The following BAIAP2L1 variants were observed in gnomAD, a reference collection of about 807,000 sequenced individuals.
BAIAP2L1 encodes BAR/IMD domain containing adaptor protein 2 like 1.
BAIAP2L1 carries 35 observed loss-of-function variants against 66.3 expected under a neutral mutation model. The observed-to-expected ratio is 0.53, with a 90% confidence interval of 0.40 to 0.70. The LOEUF is 0.70. Ranked by LOEUF, BAIAP2L1 falls within the 30% of genes least tolerant of loss-of-function variation. The pLI is 0.00. For missense variants in BAIAP2L1, 622 were observed against 656.9 expected, an observed-to-expected ratio of 0.95 and a Z score of 0.58; for synonymous variants, 269 against 248.7, an observed-to-expected ratio of 1.08 and a Z score of -0.77.
intron 6 of BAIAP2L1, among the ~76,000 whole-genome samples, chr7:98,315,924 C>T (rs9648908): frequency 0.4 from 61,242 of 151,952 alleles, 13,313 homozygotes; most frequent in Middle Eastern, 0.54. Context: ...GGCTTTGGAA[C>T]CAGAAAGTTC....
intron 1 of BAIAP2L1, among the ~76,000 whole-genome samples, chr7:98,376,587 G>A (rs1324862182): frequency 8.0e-5 from 12 of 150,608 alleles, no homozygotes; most frequent in African/African-American, 2.2e-4. Flanking sequence ...TTGGGAGGCC[G>A]AGGCAGGCAG....
rs1342347227 is a variant in BAIAP2L1, at chr7:98,317,343, C to T, written c.362G>A (p.Arg121Lys). Residue 121 changes from arginine (R) to lysine (K), a missense_variant, in exon 6 of 14, where the codon AGA (arginine) becomes AAA (lysine). Coordinates refer to ENST00000005260, the MANE Select transcript of BAIAP2L1 (RefSeq NM_018842.5). ...DVKYMNATLK[R>K]YQTEHKNKLE... ...TTTATTCTTGTGTTCTGTTTGGTAT[C>T]TTTTTAGAGTTGCCTGTAAGTTAAA... 2.5e-6 allele frequency: 4 copies of T among 1,613,770 alleles called. No individual in the cohort carries two copies. The highest frequency in any genetic ancestry group is 1.1e-5 in the South Asian group (1 of 91,070).
chr7:98,338,768 C>T (rs906858042), intron 3 of BAIAP2L1, among the ~76,000 whole-genome samples: 1 of 152,110 alleles, frequency 6.6e-6, no homozygotes, highest in Non-Finnish European at 1.5e-5. Flanking sequence ...CTGCTCTGAA[C>T]ATTTGTGGTC....
intron 9 of BAIAP2L1, chr7:98,308,466 AT>A (rs1800748407): frequency 2.7e-6 from 1 of 366,200 alleles, no homozygotes; most frequent in Non-Finnish European, 5.4e-6. Flanking sequence ...CACAGCTGCC[AT>A]CCCGCCAGGC....
At chr7:98,360,841 G>C (rs544383178) in intron 2 of BAIAP2L1, among the ~76,000 whole-genome samples, 1 of 152,160 alleles carries the variant, frequency 6.6e-6, no homozygotes, top group Non-Finnish European at 1.5e-5. Flanking sequence ...CAAAATCCCA[G>C]ACCTGCTGCA....
At position 98,306,521 on chromosome 7, in the gene BAIAP2L1, C is replaced by T. The variant is rs766297356; in HGVS notation, c.1164-5G>A. ...GACGACGGGAACCAACCCCTCCTAC[C>T]GGCAAAGAGGGAGAAAAGACCCTAT... On this transcript the variant is annotated splice_region_variant and splice_polypyrimidine_tract_variant and intron_variant, in intron 10 of 13. Coordinates refer to ENST00000005260, the MANE Select transcript of BAIAP2L1 (RefSeq NM_018842.5). The T allele has an allele frequency of 1.1e-5, 17 of 1,613,962 alleles. No homozygotes were observed. The highest frequency in any genetic ancestry group is 4.0e-5 in the African/African-American group (3 of 74,872).
chr7:98,368,882 T>C (rs1203196690), intron 1 of BAIAP2L1, among the ~76,000 whole-genome samples: 1 of 151,924 alleles, frequency 6.6e-6, no homozygotes, highest in Non-Finnish European at 1.5e-5. Context: ...GTTGAAGACC[T>C]GGCTTGTTTC....
At chr7:98,324,880 T>C (rs1458418241) in intron 3 of BAIAP2L1, among the ~76,000 whole-genome samples, 1 of 152,242 alleles carries the variant, frequency 6.6e-6, no homozygotes, top group African/African-American at 2.4e-5. Context: ...CTGAACTGCA[T>C]AGGACATGTA....
chr7:98,304,339 A>C lies in BAIAP2L1; in HGVS notation c.1279T>G (p.Ser427Ala). 1 of 1,613,710 alleles carries C rather than the reference A, an allele frequency of 6.2e-7. No homozygotes were observed. Among genetic ancestry groups the C allele is most frequent in the Non-Finnish European group, 8.5e-7 (1 of 1,179,820 alleles). ...GGGATGACAACACTGCTATTCTCAG[A>C]CAAGTTCACGGTGCTGATGCTTCTC... ...PVRSISTVNL[S>A]ENSSVVIPPP... Residue 427 changes from serine (S) to alanine (A), a missense_variant, in exon 12 of 14, where the codon TCT becomes GCT. Physicochemically the swap from Ser to Ala is moderately conservative, Grantham distance 99. Coordinates refer to ENST00000005260, the MANE Select transcript of BAIAP2L1 (RefSeq NM_018842.5).
intron 2 of BAIAP2L1, chr7:98,355,453 T>TGC (rs1017213954): frequency 1.6e-4 from 47 of 300,122 alleles, no homozygotes; most frequent in African/African-American, 9.4e-4. Flanking sequence ...ACTAGGGCTT[T>TGC]GCCTGGGCAC....
chr7:98,392,918 G>C (rs180749253), intron 1 of BAIAP2L1, among the ~76,000 whole-genome samples: 1 of 150,258 alleles, frequency 6.7e-6, no homozygotes. Flanking sequence ...TCAGCATCCC[G>C]AGTAGCTGGA....
At chr7:98,395,149 A>C (rs1803169885) in intron 1 of BAIAP2L1, among the ~76,000 whole-genome samples, 1 of 150,482 alleles carries the variant, frequency 6.6e-6, no homozygotes, top group South Asian at 2.1e-4. Flanking sequence ...AAAGAAAGAA[A>C]ATAATCCCAG....
In BAIAP2L1 at chr7:98,400,952, C is replaced by T; in HGVS notation, c.-100G>A. ...AGGGCCGGGGCGCGACTAAGGGGCT[C>T]TGGAGGGTCGGCCGCCGCCGCAGCC... On this transcript the variant is annotated 5_prime_UTR_variant, in exon 1 of 14. Coordinates refer to ENST00000005260, the MANE Select transcript of BAIAP2L1 (RefSeq NM_018842.5). 8.8e-7 allele frequency: 1 copy of T among 1,136,502 alleles called. No individual in the cohort carries two copies. 70.4% of individuals were successfully genotyped at this position (1,136,502 alleles called of 1,614,324 possible).
At chr7:98,307,387 T>C (rs966470850) in intron 10 of BAIAP2L1, 38 of 1,199,580 alleles carry the variant, frequency 3.2e-5, no homozygotes, top group South Asian at 2.8e-4. Flanking sequence ...ATTACAAGCA[T>C]GAGCCACTGC....
In BAIAP2L1 at chr7:98,307,727, C is replaced by G. The variant is rs901977066; in HGVS notation, c.1125G>C (p.Lys375Asn). 6.2e-7 allele frequency: 1 copy of G among 1,614,248 alleles called. No homozygotes were observed. Among genetic ancestry groups the G allele is most frequent in the Non-Finnish European group, 8.5e-7 (1 of 1,180,052 alleles). The change falls in exon 10 of 14, where the codon AAG becomes AAC. Residue 375 changes from lysine to asparagine, a missense_variant. Lys to Asn is a moderately conservative substitution (Grantham distance 94). Coordinates refer to ENST00000005260, the MANE Select transcript of BAIAP2L1 (RefSeq NM_018842.5). ...DVITLLIPEE[K>N]DGWLYGEHDV... ...CGTGTTCTCCATAGAGCCAGCCATC[C>G]TTCTCCTCGGGGATGAGCAGCGTGA...
chr7:98,374,163 G>A (rs1802570999), intron 1 of BAIAP2L1, among the ~76,000 whole-genome samples: 1 of 152,050 alleles, frequency 6.6e-6, no homozygotes, highest in Non-Finnish European at 1.5e-5. Context: ...TGCCCAGGCT[G>A]GCCTTGAACT....
chr7:98,293,669 C>T, intron 13 of BAIAP2L1, 73 bp from the exon 14 acceptor site: 4 of 1,434,046 alleles, frequency 2.8e-6, no homozygotes, highest in Non-Finnish European at 3.9e-6. Context: ...GTGCTAATAA[C>T]CCGTTCTTGC....
rs371507314 is a variant in BAIAP2L1 at position 98,294,011 on chromosome 7, C to T, written c.1460+63G>A. 4.0e-5 allele frequency: 63 copies of T among 1,568,514 alleles called. No homozygotes were observed. In the African/African-American group the frequency reaches 4.2e-4, roughly 10 times the overall value. ...CTGGGCTGGGCACCGAAGGCCCTTCCGGGGGACACTACAGGGAAGAGCAAT... is the reference window on the plus strand; with the variant it reads ...CTGGGCTGGGCACCGAAGGCCCTTCTGGGGGACACTACAGGGAAGAGCAAT... On this transcript the variant is annotated intron_variant, in intron 13 of 13. Transcript: ENST00000005260.
chr7:98,376,418 G>A (rs1802630975), intron 1 of BAIAP2L1, among the ~76,000 whole-genome samples: 1 of 152,022 alleles, frequency 6.6e-6, no homozygotes, highest in African/African-American at 2.4e-5. Flanking sequence ...GGCTGAGATG[G>A]GAGAATTGCT....
Sources: allele counts gnomAD v4.1 joint callset (sites outside exome capture counted in the v4.1 genomes callset), GRCh38; gene constraint gnomAD v4.1.1; transcripts MANE v1.5; gene names NCBI Gene and HGNC (gene_info 2026-07-23, HGNC 2026-07-21).